The following PLD1 variants were observed in gnomAD, a reference collection of about 807,000 sequenced individuals.
The protein encoded by PLD1 is phospholipase D1.
A neutral mutation model predicts 137.1 loss-of-function variants in PLD1; 112 were observed. The ratio of observed to expected loss-of-function variants is 0.82; its 90% CI spans 0.70 to 0.96. PLD1 has a LOEUF of 0.96. Ranked by LOEUF, PLD1 falls within the 40% of genes least tolerant of loss-of-function variation. PLD1 has a pLI of 0.00. For synonymous variants in PLD1, 431 were observed against 454.7 expected, an observed-to-expected ratio of 0.95 and a Z score of 0.66; for missense variants, 1,321 against 1,342.0, an observed-to-expected ratio of 0.98 and a Z score of 0.24.
At chr3:171,809,369 CCTT>C (rs1365829089) in intron 1 of PLD1, 2 of 152,174 alleles carry the variant, frequency 1.3e-5, no homozygotes, top group Non-Finnish European at 2.9e-5. Flanking sequence ...AGATTCCTTT[CCTT>C]CTTTAAGTTT....
chr3:171,737,849 G>T, intron 2 of PLD1, 43 bp downstream of exon 2: 3 of 1,578,262 alleles, frequency 1.9e-6, no homozygotes, highest in Non-Finnish European at 2.6e-6. Flanking sequence ...CCGACCAACC[G>T]AGATAAACTC....
chr3:171,782,902 A>T (rs1722847416), intron 1 of PLD1, among the ~76,000 whole-genome samples: 1 of 152,212 alleles, frequency 6.6e-6, no homozygotes, highest in African/African-American at 2.4e-5. Flanking sequence ...CTATGGAAGC[A>T]GAGTTCTGAA....
intron 11 of PLD1, among the ~76,000 whole-genome samples, chr3:171,703,466 T>C (rs995922264): frequency 2.6e-5 from 4 of 152,328 alleles, no homozygotes; most frequent in African/African-American, 9.6e-5. Flanking sequence ...CTACCAGCAC[T>C]AATAAATTAA....
At chr3:171,734,241 C>T (rs758655769) in intron 5 of PLD1, among the ~76,000 whole-genome samples, 1 of 152,182 alleles carries the variant, frequency 6.6e-6, no homozygotes, top group African/African-American at 2.4e-5. Flanking sequence ...AGAAATCAAA[C>T]ATTCCCTCTG....
At chr3:171,660,226 T>C (rs1418150006) in intron 20 of PLD1, among the ~76,000 whole-genome samples, 3 of 152,228 alleles carry the variant, frequency 2.0e-5, no homozygotes, top group African/African-American at 7.2e-5. Context: ...TAAGCTTTTA[T>C]ACTTAAGTGC....
At chr3:171,680,662 T>C (rs1022108445) in intron 16 of PLD1, among the ~76,000 whole-genome samples, 4 of 152,212 alleles carry the variant, frequency 2.6e-5, no homozygotes, top group African/African-American at 9.7e-5. Context: ...TCCAGAACTT[T>C]AAAATTATGT....
At chr3:171,666,556 TTTTG>T (rs1157546692) in intron 19 of PLD1, among the ~76,000 whole-genome samples, 3 of 152,242 alleles carry the variant, frequency 2.0e-5, no homozygotes, top group African/African-American at 4.8e-5. Flanking sequence ...ATTGATTTCC[TTTTG>T]TTTTATTTTT....
chr3:171,623,096 T>C (rs1733771509), intron 23 of PLD1, among the ~76,000 whole-genome samples: 1 of 152,078 alleles, frequency 6.6e-6, no homozygotes. Flanking sequence ...ATTAGAAATA[T>C]GTCAACTCTT....
intron 9 of PLD1, among the ~76,000 whole-genome samples, chr3:171,710,353 T>A (rs963380570): frequency 1.2e-4 from 18 of 152,152 alleles, no homozygotes. Flanking sequence ...GGTCCCCAAC[T>A]TTTTTGGTAC....
chr3:171,683,594 A>G lies in PLD1; in HGVS notation c.1867+3091T>C, dbSNP rs573026726. On this transcript the variant is annotated intron_variant, in intron 16 of 26. Transcript: ENST00000351298. ...TCGATGTCAGCTGAAAACTAACCTC[A>G]TGAGAGATGTATTCTCCGATGAGCC... Among the ~76,000 whole-genome samples the G allele has an allele frequency of 2.0e-5, 3 of 152,274 alleles. No homozygotes were observed. The South Asian group carries it at 6.2e-4, about 32-fold the overall frequency.
At chr3:171,733,772 A>G (rs184537838) in intron 5 of PLD1, among the ~76,000 whole-genome samples, 39 of 152,304 alleles carry the variant, frequency 2.6e-4, no homozygotes, top group African/African-American at 9.4e-4. Context: ...GACAAGCCCT[A>G]TTATATGTAT....
Position 171,603,133 on chromosome 3 carries a change from A to T in PLD1, c.3170T>A (p.Leu1057Gln), listed in dbSNP as rs979374979. Residue 1057 changes from leucine to glutamine, a missense_variant, in exon 27 of 27, where the codon CTA becomes CAA. By Grantham distance (113) the Leu-to-Gln change is moderately radical. Coordinates refer to ENST00000351298, the MANE Select transcript of PLD1 (RefSeq NM_002662.5). ...FPFYFLSEES[L>Q]LPSVGTKEAI... ...CTCTTTGGTCCCAACAGAAGGCAGT[A>T]GGCTTTCTTCAGACAAGAAATAAAA... 1 of 1,613,998 alleles carries T rather than the reference A, an allele frequency of 6.2e-7. No individual in the cohort carries two copies. Among genetic ancestry groups the T allele is most frequent in the Non-Finnish European group, 8.5e-7 (1 of 1,179,974 alleles).
rs112036117 is a variant in PLD1, at chr3:171,700,034, T to TTCTCTCTCTC, written c.1146-218_1146-209dup. 1.0e-4 allele frequency among the ~76,000 whole-genome samples: 15 copies of TTCTCTCTCTC among 148,710 alleles called. No individual in the cohort carries two copies. The South Asian group carries it at 3.0e-3, about 29-fold the overall frequency. ...TATACAAAACATCAATCTTAGTTCT[T>TTCTCTCTCTC]TCTCTCTCTCTCTCTCTCTCCCCCC... On this transcript the variant is annotated intron_variant, in intron 11 of 26. Transcript: ENST00000351298.
rs1491332921 is a variant in PLD1, at chr3:171,623,312, ACT to A, written c.2594-2794_2594-2793del. ...AGCTATGAGTCATTAGCCCTATCAG[ACT>A]TTTTTTTTTTTTTTTTTTGAGATGG... is the stretch of plus-strand genomic sequence containing the variant. On this transcript the variant is annotated intron_variant, in intron 23 of 26. Coordinates refer to ENST00000351298, the MANE Select transcript of PLD1 (RefSeq NM_002662.5). Among the ~76,000 whole-genome samples, 43 of 138,960 alleles carry A rather than the reference ACT, an allele frequency of 3.1e-4. 3 individuals are homozygous for A. The highest frequency in any genetic ancestry group is 4.1e-4 in the African/African-American group (15 of 36,396). 91.2% of individuals were successfully genotyped at this position (138,960 alleles called of 152,430 possible). A position where few individuals can be genotyped will look rare whatever the true frequency, so the allele number is the denominator to read the frequency against.
Position 171,665,866 on chromosome 3 carries a change from G to A in PLD1, c.2230-3696C>T, listed in dbSNP as rs889757797. ...ATCCCATTGCCTGAGTCCAAGCCCC[G>A]TATCCTTTACTTACAATAAAAACTC... On this transcript the variant is annotated intron_variant, in intron 19 of 26. Coordinates refer to ENST00000351298, the MANE Select transcript of PLD1 (RefSeq NM_002662.5). Among the ~76,000 whole-genome samples the A allele has an allele frequency of 2.6e-5, 4 of 152,076 alleles. No homozygotes were observed. The East Asian group carries it at 5.8e-4, about 22-fold the overall frequency.
At chr3:171,725,202 T>A (rs924378042) in intron 7 of PLD1, among the ~76,000 whole-genome samples, 1 of 151,968 alleles carries the variant, frequency 6.6e-6, no homozygotes, top group Non-Finnish European at 1.5e-5. Context: ...TATATATAAA[T>A]ATAAAAAAAT....
intron 21 of PLD1, among the ~76,000 whole-genome samples, chr3:171,652,424 A>AG (rs1736858393): frequency 6.6e-6 from 1 of 151,820 alleles, no homozygotes. Flanking sequence ...AAAAAAAAAA[A>AG]AAAAAAAGGT....
At chr3:171,721,806 CT>C (rs892204045) in intron 8 of PLD1, among the ~76,000 whole-genome samples, 3 of 151,208 alleles carry the variant, frequency 2.0e-5, no homozygotes, top group Non-Finnish European at 4.4e-5. Flanking sequence ...AGAAAAAAAA[CT>C]TTTTTCCCTT....
chr3:171,787,605 C>T (rs1356000351), intron 1 of PLD1, among the ~76,000 whole-genome samples: 1 of 152,086 alleles, frequency 6.6e-6, no homozygotes, highest in Non-Finnish European at 1.5e-5. Flanking sequence ...TGAATGTCAT[C>T]ATACCCAGAA....
Sources: allele counts gnomAD v4.1 joint callset (sites outside exome capture counted in the v4.1 genomes callset), GRCh38; gene constraint gnomAD v4.1.1; transcripts MANE v1.5; gene names NCBI Gene and HGNC (gene_info 2026-07-23, HGNC 2026-07-21).